The following FBXL2 variants were observed in gnomAD, a reference collection of about 807,000 sequenced individuals.
The protein encoded by FBXL2 is F-box/LRR-repeat protein 2.
FBXL2 carries 38 observed loss-of-function variants against 69.2 expected under a neutral mutation model. That is an observed-to-expected ratio of 0.55 (90% confidence interval 0.42 to 0.72). The LOEUF is 0.72. Among genes scored for constraint, FBXL2 ranks in the 30% least tolerant of loss-of-function variants. The probability of loss-of-function intolerance (pLI) is 0.00; values close to 1 mark genes in which losing one functional copy is unlikely to be tolerated. For missense variants in FBXL2, 354 were observed against 520.3 expected (o/e 0.68, Z 3.11); for synonymous variants, 192 against 201.3 (o/e 0.95, Z 0.39).
At chr3:33,411,630 G>T in the FBXL2 span, 2 of 1,613,940 alleles carry the variant, frequency 1.2e-6, no homozygotes, top group South Asian at 1.1e-5. Flanking sequence ...AAATTCAACC[G>T]CATTTAACTG....
intron 2 of FBXL2, among the ~76,000 whole-genome samples, chr3:33,343,433 T>A (rs1464071978): frequency 1.3e-5 from 2 of 152,068 alleles, no homozygotes; most frequent in East Asian, 3.8e-4. Context: ...TAAAAAACTT[T>A]AAAAACTACA....
intron 2 of FBXL2, among the ~76,000 whole-genome samples, chr3:33,309,776 A>G (rs1298195265): frequency 3.3e-5 from 5 of 152,062 alleles, no homozygotes; most frequent in Non-Finnish European, 7.4e-5. Context: ...TCTTTTGTGT[A>G]TATACTATAA....
intron 2 of FBXL2, among the ~76,000 whole-genome samples, chr3:33,311,516 C>A (rs1049051994): frequency 6.6e-6 from 1 of 152,024 alleles, no homozygotes; most frequent in Non-Finnish European, 1.5e-5. Context: ...ATTTTAAATG[C>A]CCTGTCTTTG....
intron 2 of FBXL2, among the ~76,000 whole-genome samples, chr3:33,350,494 G>T (rs966896711): frequency 1.3e-5 from 2 of 151,172 alleles, no homozygotes; most frequent in Non-Finnish European, 1.5e-5. Flanking sequence ...GTGCAGTGGT[G>T]CAGTCTCTGC....
At chr3:33,289,427 A>G (rs1028963971) in intron 1 of FBXL2, among the ~76,000 whole-genome samples, 1 of 152,218 alleles carries the variant, frequency 6.6e-6, no homozygotes, top group African/African-American at 2.4e-5. Context: ...GGTAGTGAGA[A>G]AAGTCAGAGA....
chr3:33,420,354 C>G, the FBXL2 span, among the ~76,000 whole-genome samples: 5 of 152,170 alleles, frequency 3.3e-5, no homozygotes, highest in African/African-American at 1.2e-4. Context: ...GAGACAGAGT[C>G]TCACTCTATT....
chr3:33,318,845 T>G (rs2037946084), intron 2 of FBXL2, among the ~76,000 whole-genome samples: 1 of 152,218 alleles, frequency 6.6e-6, no homozygotes, highest in South Asian at 2.1e-4. Context: ...AAGAAACCCT[T>G]CTGTCTTCAA....
At chr3:33,403,288 A>G in exon 13 of FBXL2, 1 of 246,806 alleles carries the variant, frequency 4.1e-6, no homozygotes, top group Non-Finnish European at 8.0e-6. Flanking sequence ...GAAAGGATTT[A>G]TAAGCAACAT....
At chr3:33,417,036 A>G in the FBXL2 span, among the ~76,000 whole-genome samples, 1 of 152,150 alleles carries the variant, frequency 6.6e-6, no homozygotes, top group Admixed American at 6.5e-5. Context: ...AGGAGACAAG[A>G]GTTTCTCTGT....
intron 9 of FBXL2, 85 bp from the exon 10 acceptor site, chr3:33,375,198 AAACTG>A (rs1388066702): frequency 2.0e-6 from 3 of 1,535,678 alleles, no homozygotes; most frequent in Non-Finnish European, 8.9e-7. Context: ...TCAGCAACCA[AAACTG>A]AACAACAGCA....
chr3:33,369,505 TCTC>T (rs1256486160), intron 5 of FBXL2, among the ~76,000 whole-genome samples: 3 of 152,314 alleles, frequency 2.0e-5, no homozygotes, highest in East Asian at 3.8e-4. Flanking sequence ...CACTTCCACT[TCTC>T]CTCACTCGGT....
downstream of FBXL2, chr3:33,389,831 C>T (rs1332973053): frequency 6.5e-6 from 1 of 154,388 alleles, no homozygotes. Context: ...ACCTGACCAC[C>T]AACGGCCACA....
rs563839369 is a variant in FBXL2 at position 33,369,252 on chromosome 3, A to T, written c.291-3840A>T. Among the ~76,000 whole-genome samples, 4 of 151,436 alleles carry T rather than the reference A, an allele frequency of 2.6e-5. No individual in the cohort carries two copies. The East Asian group carries it at 7.9e-4, about 30-fold the overall frequency. ...TTTTTAGTAGAGACAGGTTTTCACC[A>T]TGTTGCCCAGGCTGGTCTTGAACTC... On this transcript the variant is annotated intron_variant, in intron 5 of 14. Coordinates refer to ENST00000484457, the MANE Select transcript of FBXL2 (RefSeq NM_012157.5).
In FBXL2 at chr3:33,375,218, C is replaced by G. The variant is rs2042558400; in HGVS notation, c.658-70C>G. ...AACCAAAACTGAACAACAGCAGATA[C>G]TTTTCTGCTGCTCCCGTTTTGGTAT... On this transcript the variant is annotated intron_variant, in intron 9 of 14. Coordinates refer to ENST00000484457, the MANE Select transcript of FBXL2 (RefSeq NM_012157.5). 8 of 1,574,078 alleles carry G rather than the reference C, an allele frequency of 5.1e-6. No individual in the cohort carries two copies. The South Asian group carries it at 9.0e-5, about 18-fold the overall frequency.
chr3:33,397,052 T>C, intron 12 of FBXL2: 1 of 1,592,372 alleles, frequency 6.3e-7, no homozygotes, highest in Non-Finnish European at 8.5e-7. Flanking sequence ...TACCTTGACT[T>C]CAGTGAATTA....
At chr3:33,334,743 C>T (rs576134419) in intron 2 of FBXL2, among the ~76,000 whole-genome samples, 32 of 151,912 alleles carry the variant, frequency 2.1e-4, no homozygotes, top group East Asian at 3.9e-4. Flanking sequence ...TAGAAACCAA[C>T]GATAAAGAGA....
intron 5 of FBXL2, among the ~76,000 whole-genome samples, chr3:33,367,488 C>T (rs1469324476): frequency 6.6e-6 from 1 of 152,104 alleles, no homozygotes. Context: ...AGTTCCTGGA[C>T]TTATTAGCAT....
intron 2 of FBXL2, among the ~76,000 whole-genome samples, chr3:33,357,412 G>A (rs1179265078): frequency 6.6e-6 from 1 of 152,142 alleles, no homozygotes; most frequent in African/African-American, 2.4e-5. Context: ...TTAGGGGCAG[G>A]AGAGCCTTTG....
chr3:33,367,865 C>G (rs2042052542), intron 5 of FBXL2, among the ~76,000 whole-genome samples: 1 of 152,008 alleles, frequency 6.6e-6, no homozygotes, highest in African/African-American at 2.4e-5. Context: ...TAAACTAAGT[C>G]AATACTTTGG....
Sources: gnomAD v4.1 joint callset for allele counts (sites outside exome capture counted in the v4.1 genomes callset) on GRCh38, gnomAD v4.1.1 for gene constraint, MANE v1.5 for transcripts, NCBI Gene and HGNC (gene_info 2026-07-23, HGNC 2026-07-21) for gene names.